GRIA1: variants seen among roughly 807,000 people sequenced by gnomAD.
The protein encoded by GRIA1 is glutamate ionotropic receptor AMPA type subunit 1.
In GRIA1, 31 loss-of-function variants were observed where a neutral mutation model predicts 99.2. That is an observed-to-expected ratio of 0.31 (90% CI 0.23 to 0.42). The LOEUF (loss-of-function observed/expected upper bound fraction) is 0.42, where lower values mean the gene tolerates loss of function less well. Among genes scored for constraint, GRIA1 ranks in the 10% least tolerant of loss-of-function variants. GRIA1 has a pLI of 1.00. For missense variants in GRIA1, 782 were observed against 1,157.5 expected (o/e 0.68, Z 4.71); for synonymous variants, 438 against 432.4 (o/e 1.01, Z -0.16).
rs1416835988 is a variant in GRIA1 at position 153,813,656 on chromosome 5, T to C, written c.*2431T>C. On this transcript the variant is annotated 3_prime_UTR_variant, in exon 16 of 16. Coordinates refer to ENST00000285900, the MANE Select transcript of GRIA1 (RefSeq NM_000827.4). Reference sequence around the variant, plus strand: ...GGAATCCATACTTAACAGTTCTGGCTTTCATTAAATTTTGCTCTTTGGTAC... The same window carrying C: ...GGAATCCATACTTAACAGTTCTGGCCTTCATTAAATTTTGCTCTTTGGTAC... 2.0e-5 allele frequency: 3 copies of C among 152,246 alleles called. No individual in the cohort carries two copies. Among genetic ancestry groups the C allele is most frequent in the African/African-American group, 4.8e-5 (2 of 41,470 alleles). The allele number at this position is 152,246 out of a possible 1,614,324, so 9.4% of individuals were successfully genotyped here. A position where few individuals can be genotyped will look rare whatever the true frequency, so the allele number is the denominator to read the frequency against.
chr5:153,567,579 C>T (rs1323901166), intron 2 of GRIA1, among the ~76,000 whole-genome samples: 1 of 138,032 alleles, frequency 7.2e-6, no homozygotes, highest in Non-Finnish European at 1.5e-5. Flanking sequence ...TATAATCGTA[C>T]AAAATATCTA....
intron 2 of GRIA1, among the ~76,000 whole-genome samples, chr5:153,622,979 T>A (rs1289063175): frequency 1.3e-5 from 2 of 151,984 alleles, no homozygotes; most frequent in African/African-American, 2.4e-5. Context: ...CTCTGTAGAG[T>A]GAGAGGAGTT....
At chr5:153,767,929 C>T (rs1250768991) in intron 12 of GRIA1, among the ~76,000 whole-genome samples, 2 of 152,206 alleles carry the variant, frequency 1.3e-5, no homozygotes, top group African/African-American at 4.8e-5. Context: ...ACAGCCTTAA[C>T]ATTTGGGGCA....
intron 12 of GRIA1, among the ~76,000 whole-genome samples, chr5:153,765,078 GA>G (rs374393108): frequency 0.018 from 2,731 of 148,940 alleles, 22 homozygotes; most frequent in African/African-American, 0.035. Flanking sequence ...TAGTATATGG[GA>G]AAAAAAAAAC....
intron 2 of GRIA1, among the ~76,000 whole-genome samples, chr5:153,577,082 GTGGATGA>G (rs1762620353): frequency 1.6e-5 from 1 of 63,600 alleles, no homozygotes; most frequent in African/African-American, 5.0e-5. Flanking sequence ...GGATGGATGA[GTGGATGA>G]ATGGATGGAT....
chr5:153,727,570 C>T (rs1431022093), intron 11 of GRIA1, among the ~76,000 whole-genome samples: 1 of 152,170 alleles, frequency 6.6e-6, no homozygotes, highest in African/African-American at 2.4e-5. Context: ...ACAAAAATCA[C>T]AAGAATTCTT....
chr5:153,502,422 C>T (rs1172898773), intron 2 of GRIA1, among the ~76,000 whole-genome samples: 1 of 152,106 alleles, frequency 6.6e-6, no homozygotes, highest in African/African-American at 2.4e-5. Context: ...GCTGTAAATA[C>T]CTATGGATGG....
At chr5:153,543,307 T>C (rs879637371) in intron 2 of GRIA1, among the ~76,000 whole-genome samples, 6 of 152,196 alleles carry the variant, frequency 3.9e-5, no homozygotes, top group Non-Finnish European at 8.8e-5. Flanking sequence ...ATGAGGATGA[T>C]AAGAATCAAC....
At chr5:153,682,735 C>A (rs1378328697) in intron 7 of GRIA1, among the ~76,000 whole-genome samples, 1 of 152,200 alleles carries the variant, frequency 6.6e-6, no homozygotes, top group East Asian at 1.9e-4. Context: ...TGAGCCCAAT[C>A]TCTCTCCACC....
intron 8 of GRIA1, among the ~76,000 whole-genome samples, chr5:153,694,904 G>A (rs1036052233): frequency 6.6e-6 from 1 of 151,806 alleles, no homozygotes; most frequent in Non-Finnish European, 1.5e-5. Flanking sequence ...AAGACAGGAA[G>A]GAAAGGAGGA....
intron 10 of GRIA1, among the ~76,000 whole-genome samples, chr5:153,704,147 T>C (rs1027080754): frequency 2.6e-5 from 4 of 152,216 alleles, no homozygotes; most frequent in African/African-American, 7.2e-5. Flanking sequence ...TAAAGCACCT[T>C]CTCAATAATC....
chr5:153,625,449 C>T (rs1011719545), intron 2 of GRIA1, among the ~76,000 whole-genome samples: 5 of 152,142 alleles, frequency 3.3e-5, no homozygotes, highest in Non-Finnish European at 2.9e-5. Context: ...CGGCATTTGC[C>T]GACTGACTTC....
chr5:153,541,261 T>G (rs1176442343), intron 2 of GRIA1, among the ~76,000 whole-genome samples: 2 of 152,198 alleles, frequency 1.3e-5, no homozygotes, highest in African/African-American at 4.8e-5. Context: ...TTCCTTCTTC[T>G]GACCACTCAA....
At chr5:153,561,986 C>T (rs1761171409) in intron 2 of GRIA1, among the ~76,000 whole-genome samples, 2 of 152,206 alleles carry the variant, frequency 1.3e-5, no homozygotes, top group Non-Finnish European at 2.9e-5. Flanking sequence ...CTGATAACAA[C>T]TATGAATGGT....
At chr5:153,569,511 G>A (rs1367318802) in intron 2 of GRIA1, among the ~76,000 whole-genome samples, 3 of 152,240 alleles carry the variant, frequency 2.0e-5, no homozygotes, top group Non-Finnish European at 4.4e-5. Context: ...CTGCTGCTGA[G>A]CAGCTGTATG....
At position 153,535,306 on chromosome 5, in the gene GRIA1, C is replaced by T. The variant is rs141922985; in HGVS notation, c.220+41241C>T. Among the ~76,000 whole-genome samples, 92 of 152,302 alleles carry T rather than the reference C, an allele frequency of 6.0e-4. No homozygotes were observed. In the East Asian group the frequency reaches 0.015, roughly 26 times the overall value. On this transcript the variant is annotated intron_variant, in intron 2 of 15. Coordinates refer to ENST00000285900, the MANE Select transcript of GRIA1 (RefSeq NM_000827.4). ...CCATGTAAATTTAGAATGTCAAACA[C>T]GTACAGACTAATGCTATTTACCCAC...
chr5:153,725,139 G>C (rs1184190473), intron 11 of GRIA1, among the ~76,000 whole-genome samples: 1 of 151,902 alleles, frequency 6.6e-6, no homozygotes, highest in Non-Finnish European at 1.5e-5. Flanking sequence ...TTCATATCCA[G>C]CCAAACTAAG....
intron 11 of GRIA1, among the ~76,000 whole-genome samples, chr5:153,726,168 A>G (rs1581546204): frequency 2.0e-5 from 3 of 152,024 alleles, no homozygotes; most frequent in Non-Finnish European, 4.4e-5. Flanking sequence ...TGAAGGCAGA[A>G]ATAAAGATGT....
intron 2 of GRIA1, among the ~76,000 whole-genome samples, chr5:153,599,880 G>GA: frequency 6.6e-6 from 1 of 152,180 alleles, no homozygotes; most frequent in South Asian, 2.1e-4. Flanking sequence ...GAGGGGAAAA[G>GA]AAAAATGTGC....
Sources: gnomAD v4.1 joint callset for allele counts (sites outside exome capture counted in the v4.1 genomes callset) on GRCh38, gnomAD v4.1.1 for gene constraint, MANE v1.5 for transcripts, NCBI Gene and HGNC (gene_info 2026-07-23, HGNC 2026-07-21) for gene names.